BUD31: variants seen among roughly 807,000 people sequenced by gnomAD.
The protein encoded by BUD31 is protein BUD31 homolog.
BUD31 carries 9 observed loss-of-function variants against 17.9 expected under a neutral mutation model. The observed-to-expected ratio is 0.50, with a 90% confidence interval of 0.30 to 0.88. The LOEUF (loss-of-function observed/expected upper bound fraction) is 0.88, where lower values mean the gene tolerates loss of function less well. BUD31 is among the 40% of genes least tolerant of loss of function. The pLI is 0.06. For synonymous variants in BUD31, 70 were observed against 64.7 expected (o/e 1.08, Z -0.39); for missense variants, 148 against 184.5 (o/e 0.80, Z 1.15).
At chr7:99,410,664 A>C (rs1357588505) in intron 2 of BUD31, among the ~76,000 whole-genome samples, 1 of 152,204 alleles carries the variant, frequency 6.6e-6, no homozygotes, top group Non-Finnish European at 1.5e-5. Context: ...TCTAAGGGGC[A>C]AAGGCTTAAC....
At chr7:99,409,776 G>T (rs930053340) in intron 1 of BUD31, among the ~76,000 whole-genome samples, 3 of 126,038 alleles carry the variant, frequency 2.4e-5, no homozygotes, top group Non-Finnish European at 4.9e-5. Flanking sequence ...GGGCGGGGGG[G>T]GGGTGGGTCT....
intron 3 of BUD31, among the ~76,000 whole-genome samples, chr7:99,414,122 ACTTAG>A (rs1049048129): frequency 6.6e-6 from 1 of 151,934 alleles, no homozygotes; most frequent in African/African-American, 2.4e-5. Flanking sequence ...TGTTTAAATT[ACTTAG>A]CTTATTTTTT....
At chr7:99,415,299 A>G in intron 3 of BUD31, 1 of 455,364 alleles carries the variant, frequency 2.2e-6, no homozygotes, top group Non-Finnish European at 4.4e-6. Context: ...TCCACTGGAA[A>G]GCGGGCCCTT....
intron 3 of BUD31, among the ~76,000 whole-genome samples, chr7:99,414,146 A>ATT (rs578216416): frequency 6.1e-5 from 9 of 147,458 alleles, no homozygotes; most frequent in African/African-American, 1.2e-4. Flanking sequence ...TTATTTTTTT[A>ATT]TTTTTTTTTT....
chr7:99,415,023 C>T (rs59986060), intron 3 of BUD31: 17,223 of 246,512 alleles, frequency 0.07, 1,390 homozygotes, highest in East Asian at 0.32. Flanking sequence ...GTTATTGTGC[C>T]ATAATTTTGA....
chr7:99,414,468 T>C (rs187939123), intron 3 of BUD31, among the ~76,000 whole-genome samples: 65 of 152,328 alleles, frequency 4.3e-4, no homozygotes, highest in African/African-American at 1.3e-3. Flanking sequence ...ACTGTAAAAG[T>C]GAACCTGTTA....
rs1053652498 is a variant in BUD31 at position 99,416,425 on chromosome 7, G to A, written c.217+165G>A. The A allele has an allele frequency of 3.6e-6, 3 of 844,096 alleles. No homozygotes were observed. The African/African-American group carries it at 5.2e-5, about 15-fold the overall frequency. The allele number at this position is 844,096 out of a possible 1,614,324, so 52.3% of individuals were successfully genotyped here. On this transcript the variant is annotated intron_variant, in intron 4 of 5. Transcript: ENST00000222969. Reference sequence around the variant, plus strand: ...AGTTTTGTGTGTGTGTTTGTTTTTTGTTTGTTTGTTTTGAGATGGAGTCTC... The same window carrying A: ...AGTTTTGTGTGTGTGTTTGTTTTTTATTTGTTTGTTTTGAGATGGAGTCTC...
In BUD31 at chr7:99,417,596, G is replaced by A; in HGVS notation, c.384+1G>A. The A allele has an allele frequency of 6.2e-7, 1 of 1,611,192 alleles. No homozygotes were observed. Among genetic ancestry groups the A allele is most frequent in the African/African-American group, 1.3e-5 (1 of 75,064 alleles). ...CGTGCCCAAAAGCAAGCTGGAAGTG[G>A]TAATGTCTGACACTCAAGCTTGGTG... On this transcript the variant is annotated splice_donor_variant, in intron 5 of 5. Transcript: ENST00000222969. LOFTEE classifies it high-confidence loss of function.
intron 3 of BUD31, chr7:99,415,397 C>T (rs552021417): frequency 3.5e-5 from 14 of 400,370 alleles, no homozygotes; most frequent in African/African-American, 2.7e-4. Context: ...CACTAATTTG[C>T]TATTGTTATC....
chr7:99,415,493 T>A (rs901343944), intron 3 of BUD31, among the ~76,000 whole-genome samples: 8 of 151,978 alleles, frequency 5.3e-5, no homozygotes, highest in Admixed American at 2.0e-4. Context: ...AGGGAGATAG[T>A]TAGGCCTCTG....
At chr7:99,410,854 G>A (rs556726090) in intron 2 of BUD31, among the ~76,000 whole-genome samples, 2 of 152,296 alleles carry the variant, frequency 1.3e-5, no homozygotes, top group South Asian at 2.1e-4. Context: ...TACAGATGAG[G>A]AAACAGAGGC....
chr7:99,410,973 G>T (rs1337474513), intron 2 of BUD31, 91 bp from the exon 3 acceptor site: 3 of 787,124 alleles, frequency 3.8e-6, no homozygotes, highest in Non-Finnish European at 6.4e-6. Context: ...ACCCTATGCT[G>T]ACTCAAGGAA....
chr7:99,419,183 C>T (rs189040754), intron 5 of BUD31: 4 of 589,770 alleles, frequency 6.8e-6, no homozygotes, highest in South Asian at 2.0e-5. Context: ...AATAGACATA[C>T]AGATGTAACC....
intron 3 of BUD31, among the ~76,000 whole-genome samples, chr7:99,413,069 C>T (rs1795253931): frequency 6.6e-6 from 1 of 152,070 alleles, no homozygotes; most frequent in Non-Finnish European, 1.5e-5. Context: ...ACCATCATGG[C>T]AGAGGCCAAG....
intron 4 of BUD31, among the ~76,000 whole-genome samples, chr7:99,416,575 C>T (rs1795477919): frequency 6.6e-6 from 1 of 151,992 alleles, no homozygotes; most frequent in Non-Finnish European, 1.5e-5. Flanking sequence ...CCTGCCACCA[C>T]ACCTGGCCAA....
chr7:99,412,367 G>A (rs940562225), intron 3 of BUD31, among the ~76,000 whole-genome samples: 29 of 152,188 alleles, frequency 1.9e-4, no homozygotes, highest in Non-Finnish European at 3.7e-4. Context: ...GAGGGAAGGA[G>A]GAACCCTACT....
At chr7:99,414,203 G>T (rs1034381028) in intron 3 of BUD31, among the ~76,000 whole-genome samples, 1 of 151,256 alleles carries the variant, frequency 6.6e-6, no homozygotes, top group African/African-American at 2.4e-5. Context: ...GCAGTGGTGC[G>T]ATCTTGGCTC....
At chr7:99,411,776 C>T (rs2150919638) in intron 3 of BUD31, 1 of 450,348 alleles carries the variant, frequency 2.2e-6, no homozygotes, top group Non-Finnish European at 4.5e-6. Context: ...GTGATCTCGG[C>T]TCACTGCAAC....
rs371698545 is a variant in BUD31 at position 99,419,614 on chromosome 7, C to A, written c.*173C>A. 10 of 835,180 alleles carry A rather than the reference C, an allele frequency of 1.2e-5. No individual in the cohort carries two copies. Among genetic ancestry groups the A allele is most frequent in the Non-Finnish European group, 1.7e-5 (9 of 544,630 alleles). The allele number at this position is 835,180 out of a possible 1,614,324, so 51.7% of individuals were successfully genotyped here. ...GTAAAAATAAAATCTTTAAATCTCT[C>A]GAGCCCCACGTCTCTTCTTTCAGAG... On this transcript the variant is annotated 3_prime_UTR_variant, in exon 6 of 6. Coordinates refer to ENST00000222969, the MANE Select transcript of BUD31 (RefSeq NM_003910.4).
Sources: allele counts gnomAD v4.1 joint callset (sites outside exome capture counted in the v4.1 genomes callset), GRCh38; gene constraint gnomAD v4.1.1; transcripts MANE v1.5; gene names NCBI Gene and HGNC (gene_info 2026-07-23, HGNC 2026-07-21).